The following TRHDE variants were observed in gnomAD, a reference collection of about 807,000 sequenced individuals.
The protein encoded by TRHDE is thyrotropin releasing hormone degrading enzyme, also known as thyrotropin-releasing hormone-degrading ectoenzyme.
In TRHDE, 72 loss-of-function variants were observed where a neutral mutation model predicts 125.7. The observed-to-expected ratio is 0.57, with a 90% CI of 0.47 to 0.70. The LOEUF (loss-of-function observed/expected upper bound fraction) is 0.70, where lower values mean the gene tolerates loss of function less well. Among genes scored for constraint, TRHDE ranks in the 30% least tolerant of loss-of-function variants. TRHDE has a pLI of 0.00. For missense variants in TRHDE, 1,110 were observed against 1,327.1 expected, an observed-to-expected ratio of 0.84 and a Z score of 2.54; for synonymous variants, 509 against 509.1, an observed-to-expected ratio of 1.00 and a Z score of 0.00.
At chr12:72,150,966 A>G (rs1876348001) in intron 2 of TRHDE, among the ~76,000 whole-genome samples, 1 of 152,144 alleles carries the variant, frequency 6.6e-6, no homozygotes, top group South Asian at 2.1e-4. Flanking sequence ...TCCCTGAGGA[A>G]TCGCCACACC....
chr12:72,125,148 T>A (rs1566231851), intron 2 of TRHDE, among the ~76,000 whole-genome samples: 4 of 152,152 alleles, frequency 2.6e-5, no homozygotes, highest in African/African-American at 7.2e-5. Flanking sequence ...TGCTTTTTTT[T>A]AAGCATTGGT....
intron 2 of TRHDE, among the ~76,000 whole-genome samples, chr12:72,351,587 G>C (rs1237869102): frequency 1.3e-5 from 2 of 151,858 alleles, no homozygotes; most frequent in Admixed American, 6.6e-5. Flanking sequence ...AGTATCTCTA[G>C]AGTCCCTGAG....
intron 15 of TRHDE, among the ~76,000 whole-genome samples, chr12:72,622,934 T>C (rs1873113138): frequency 1.3e-5 from 2 of 152,054 alleles, no homozygotes; most frequent in African/African-American, 2.4e-5. Flanking sequence ...CATCTACCAA[T>C]TGATCTATCA....
intron 2 of TRHDE, among the ~76,000 whole-genome samples, chr12:72,221,481 T>C (rs1033478534): frequency 1.3e-5 from 2 of 152,226 alleles, no homozygotes; most frequent in Non-Finnish European, 2.9e-5. Flanking sequence ...AGACTAGAGA[T>C]AACACTACTG....
intron 2 of TRHDE, among the ~76,000 whole-genome samples, chr12:72,239,569 A>G (rs1264602792): frequency 1.3e-5 from 2 of 152,290 alleles, no homozygotes; most frequent in Admixed American, 1.3e-4. Context: ...GCATTTGCTG[A>G]TGGATTTCAA....
At chr12:72,268,857 G>T (rs1879128524), upstream of TRHDE, among the ~76,000 whole-genome samples, 1 of 151,842 alleles carries the variant, frequency 6.6e-6, no homozygotes, top group African/African-American at 2.4e-5. Flanking sequence ...ATCAAATATG[G>T]CCACATCATG....
At position 72,457,070 on chromosome 12, in the gene TRHDE, C is replaced by T. The variant is rs1195121636; in HGVS notation, c.1316-12688C>T. Among the ~76,000 whole-genome samples, 7 of 152,100 alleles carry T rather than the reference C, an allele frequency of 4.6e-5. No individual in the cohort carries two copies. The South Asian group carries it at 8.3e-4, about 18-fold the overall frequency. The stretch of plus-strand genomic sequence containing the variant: ...ACATGGTTCATAATTTGATCAATGC[C>T]TCCCAGCTGATACATAATTCAACCT... On this transcript the variant is annotated intron_variant, in intron 3 of 18. Transcript: ENST00000261180.
chr12:72,588,041 G>C (rs183870908), intron 12 of TRHDE, among the ~76,000 whole-genome samples: 2 of 152,196 alleles, frequency 1.3e-5, no homozygotes, highest in Admixed American at 1.3e-4. Flanking sequence ...CCCTTATCCT[G>C]TACTGGTAAG....
At chr12:72,371,727 T>TGG (rs1871601687) in intron 2 of TRHDE, among the ~76,000 whole-genome samples, 1 of 152,130 alleles carries the variant, frequency 6.6e-6, no homozygotes, top group Non-Finnish European at 1.5e-5. Flanking sequence ...GAACTCATCC[T>TGG]TTTTTATGGC....
chr12:72,584,852 C>A (rs1269148527), intron 12 of TRHDE, among the ~76,000 whole-genome samples: 2 of 152,130 alleles, frequency 1.3e-5, no homozygotes, highest in Admixed American at 1.3e-4. Context: ...AACTTTGCTG[C>A]AATAAATATG....
intron 2 of TRHDE, among the ~76,000 whole-genome samples, chr12:72,213,471 T>C (rs1030949570): frequency 1.3e-5 from 2 of 152,134 alleles, no homozygotes; most frequent in African/African-American, 4.8e-5. Flanking sequence ...CTTATTATTA[T>C]TTTCAAACAA....
At chr12:72,243,135 A>C (rs1878514926) in intron 2 of TRHDE, among the ~76,000 whole-genome samples, 1 of 152,212 alleles carries the variant, frequency 6.6e-6, no homozygotes, top group African/African-American at 2.4e-5. Context: ...TAAAAACATG[A>C]AAAGAACCTG....
Position 72,655,446 on chromosome 12 carries a change from G to C in TRHDE, c.2985-1481G>C, listed in dbSNP as rs1874670963. 7.2e-5 allele frequency among the ~76,000 whole-genome samples: 11 copies of C among 152,010 alleles called. No individual in the cohort carries two copies. In the South Asian group the frequency reaches 2.3e-3, roughly 32 times the overall value. On this transcript the variant is annotated intron_variant, in intron 17 of 18. Coordinates refer to ENST00000261180, the MANE Select transcript of TRHDE (RefSeq NM_013381.3). Reference sequence around the variant, plus strand: ...TGTCTTTTCACGTCTCTTTTTCTTTGTTTATGTTCATCTTCTGCCTAAAAT... The same window carrying C: ...TGTCTTTTCACGTCTCTTTTTCTTTCTTTATGTTCATCTTCTGCCTAAAAT...
At chr12:72,442,766 G>A (rs1176869466) in intron 3 of TRHDE, among the ~76,000 whole-genome samples, 1 of 151,716 alleles carries the variant, frequency 6.6e-6, no homozygotes, top group African/African-American at 2.4e-5. Flanking sequence ...TAAGGAGTTG[G>A]CCTAAAAGTC....
At chr12:72,109,557 T>C (rs1446019461) in intron 2 of TRHDE, among the ~76,000 whole-genome samples, 2 of 152,116 alleles carry the variant, frequency 1.3e-5, no homozygotes, top group Non-Finnish European at 2.9e-5. Flanking sequence ...ATTTTCTCTA[T>C]GGTGGCACTT....
At chr12:72,206,066 C>A (rs56183919) in intron 2 of TRHDE, among the ~76,000 whole-genome samples, 3 of 150,386 alleles carry the variant, frequency 2.0e-5, no homozygotes, top group Admixed American at 6.6e-5. Context: ...GGCATGATAT[C>A]TTATTATGCC....
At chr12:72,609,019 A>C (rs535435297) in intron 12 of TRHDE, among the ~76,000 whole-genome samples, 1 of 152,304 alleles carries the variant, frequency 6.6e-6, no homozygotes, top group Admixed American at 6.5e-5. Context: ...TTAGTCACAT[A>C]GTGTATGCAA....
intron 3 of TRHDE, among the ~76,000 whole-genome samples, chr12:72,453,180 A>G (rs994757041): frequency 1.4e-4 from 22 of 152,200 alleles, no homozygotes; most frequent in Admixed American, 2.0e-4. Flanking sequence ...TAAAATGCTG[A>G]TAGTGATAGG....
chr12:72,275,124 G>A (rs1389470974), intron 1 of TRHDE, among the ~76,000 whole-genome samples: 1 of 152,204 alleles, frequency 6.6e-6, no homozygotes, highest in African/African-American at 2.4e-5. Flanking sequence ...AGAAGCCCAG[G>A]GCCCTGGAGG....
Sources: allele counts gnomAD v4.1 joint callset (sites outside exome capture counted in the v4.1 genomes callset), GRCh38; gene constraint gnomAD v4.1.1; transcripts MANE v1.5; gene names NCBI Gene and HGNC (gene_info 2026-07-23, HGNC 2026-07-21).